Variants in DMD observed in about 807,000 individuals in gnomAD.
DMD encodes dystrophin, also known as mutant dystrophin.
A neutral mutation model predicts 330.1 loss-of-function variants in DMD; 63 were observed. That is an observed-to-expected ratio of 0.19 (90% CI 0.16 to 0.24). DMD has a LOEUF of 0.24. DMD is among the 10% of genes least tolerant of loss of function. The probability of loss-of-function intolerance (pLI) is 1.00; values close to 1 mark genes in which losing one functional copy is unlikely to be tolerated. For missense variants in DMD, 3,344 were observed against 2,684.1 expected (o/e 1.25, Z -5.43); for synonymous variants, 1,223 against 959.8 (o/e 1.27, Z -5.07).
chrX:32,062,651 G>T (rs1047546160), intron 44 of DMD, among the ~76,000 whole-genome samples: 2 of 111,008 alleles, frequency 1.8e-5, no homozygotes, highest in Admixed American at 9.6e-5. Flanking sequence ...TTCTTAAAAA[G>T]TATAAGTAAA....
chrX:32,301,798 A>G (rs2097524677), intron 42 of DMD, among the ~76,000 whole-genome samples: 1 of 111,338 alleles, frequency 9.0e-6, no homozygotes, highest in South Asian at 3.7e-4. Flanking sequence ...TGAACTCACA[A>G]TTAGAACAAT....
At chrX:32,580,954 G>C (rs768087384) in intron 13 of DMD, among the ~76,000 whole-genome samples, 4 of 110,711 alleles carry the variant, frequency 3.6e-5, no homozygotes, top group Non-Finnish European at 7.6e-5. Flanking sequence ...AGTTTCCCAA[G>C]TAGCTGGGAT....
At chrX:32,421,498 G>A (rs982001090) in intron 29 of DMD, among the ~76,000 whole-genome samples, 1 of 111,611 alleles carries the variant, frequency 9.0e-6, no homozygotes, top group Non-Finnish European at 1.9e-5. Flanking sequence ...AGTAGGTTGG[G>A]AGTGCAGAAA....
At chrX:32,819,520 A>G (rs976661853) in intron 5 of DMD, among the ~76,000 whole-genome samples, 3 of 111,907 alleles carry the variant, frequency 2.7e-5, no homozygotes, top group Admixed American at 9.5e-5. Context: ...ATGCTTTGCA[A>G]TTTTGTTCAA....
At chrX:31,509,433 T>C (rs761953787) in intron 55 of DMD, among the ~76,000 whole-genome samples, 9 of 112,071 alleles carry the variant, frequency 8.0e-5, no homozygotes, top group Non-Finnish European at 1.7e-4. Flanking sequence ...ATTTGTACAG[T>C]ACTTTCCTTT....
At chrX:32,418,827 G>A (rs1205211019) in intron 29 of DMD, among the ~76,000 whole-genome samples, 2 of 108,206 alleles carry the variant, frequency 1.8e-5, no homozygotes, top group African/African-American at 6.8e-5. Context: ...CAAAAAATTA[G>A]CCTGGCATGG....
At chrX:32,123,266 G>GA (rs2096646866) in intron 44 of DMD, among the ~76,000 whole-genome samples, 2 of 82,497 alleles carry the variant, frequency 2.4e-5, no homozygotes, top group Non-Finnish European at 4.5e-5. Context: ...TGATGCTAAT[G>GA]AAAAAAATCT....
intron 59 of DMD, among the ~76,000 whole-genome samples, chrX:31,445,419 G>A (rs2065204947): frequency 8.9e-6 from 1 of 111,733 alleles, no homozygotes; most frequent in Non-Finnish European, 1.9e-5. Flanking sequence ...TAACTATTAT[G>A]TTATATGCTT....
intron 55 of DMD, chrX:31,508,133 T>C: frequency 6.0e-6 from 5 of 836,902 alleles, no homozygotes; most frequent in Non-Finnish European, 7.0e-6. Flanking sequence ...GTAAGAGTTA[T>C]GATAAGAGGT....
chrX:31,549,826 G>A (rs1469357924), intron 55 of DMD, among the ~76,000 whole-genome samples: 3 of 112,092 alleles, frequency 2.7e-5, no homozygotes, highest in Non-Finnish European at 3.8e-5. Context: ...TAAAAGAATC[G>A]TTTATGAGTT....
At position 31,848,839 on chromosome X, in the gene DMD, G is replaced by A. The variant is rs1195539013; in HGVS notation, c.7099-12020C>T. Reference sequence around the variant, plus strand: ...ATGGCATTACTAATAATGGGCAGTTGCTGATCTGACAAGCAGTGAAGCAAA... The same window carrying A: ...ATGGCATTACTAATAATGGGCAGTTACTGATCTGACAAGCAGTGAAGCAAA... On this transcript the variant is annotated intron_variant, in intron 48 of 78. Coordinates refer to ENST00000357033, the MANE Select transcript of DMD (RefSeq NM_004006.3). 3.7e-5 allele frequency among the ~76,000 whole-genome samples: 4 copies of A among 109,500 alleles called. No homozygotes were observed. In the South Asian group the frequency reaches 1.6e-3, roughly 43 times the overall value.
chrX:32,899,761 A>G (rs1295420951), intron 2 of DMD, among the ~76,000 whole-genome samples: 1 of 111,503 alleles, frequency 9.0e-6, no homozygotes, highest in Non-Finnish European at 1.9e-5. Context: ...ATGGATTCTT[A>G]TATTGGTTCT....
chrX:32,698,960 G>C (rs1018426878), intron 8 of DMD, 152 bp downstream of exon 8: 1 of 402,822 alleles, frequency 2.5e-6, no homozygotes, highest in Non-Finnish European at 4.1e-6. Context: ...AAAAGGTTTA[G>C]TCTGTCTCTT....
intron 9 of DMD, among the ~76,000 whole-genome samples, chrX:32,684,875 A>T (rs1164324124): frequency 9.0e-6 from 1 of 111,095 alleles, no homozygotes; most frequent in South Asian, 3.7e-4. Flanking sequence ...TATGTTATAA[A>T]TGTTACTAAT....
intron 29 of DMD, among the ~76,000 whole-genome samples, chrX:32,430,152 T>A: frequency 9.0e-6 from 1 of 111,616 alleles, no homozygotes; most frequent in Non-Finnish European, 1.9e-5. Flanking sequence ...TTCTTATTCA[T>A]TGTTGTAGAT....
intron 34 of DMD, among the ~76,000 whole-genome samples, chrX:32,369,086 A>G (rs1305767287): frequency 9.0e-6 from 1 of 111,486 alleles, no homozygotes; most frequent in Admixed American, 9.6e-5. Context: ...AATATCTGAC[A>G]TAAGTAAAAT....
chrX:32,917,158 T>TC (rs2087885455), intron 2 of DMD, among the ~76,000 whole-genome samples: 1 of 96,542 alleles, frequency 1.0e-5, no homozygotes, highest in African/African-American at 4.3e-5. Context: ...AGTGTGGCAC[T>TC]TCCCCCCCCC....
chrX:32,923,556 TA>T (rs1390785111), intron 2 of DMD, among the ~76,000 whole-genome samples: 4 of 104,492 alleles, frequency 3.8e-5, no homozygotes, highest in Admixed American at 2.1e-4. Flanking sequence ...AGTGAGATCT[TA>T]AAAAAAAAAC....
chrX:31,952,020 T>C (rs1424177701), intron 45 of DMD, among the ~76,000 whole-genome samples: 1 of 111,497 alleles, frequency 9.0e-6, no homozygotes, highest in Non-Finnish European at 1.9e-5. Context: ...ACTCTGAATA[T>C]GTCATTTCAA....
Sources: allele counts gnomAD v4.1 joint callset (sites outside exome capture counted in the v4.1 genomes callset), GRCh38; gene constraint gnomAD v4.1.1; transcripts MANE v1.5; gene names NCBI Gene and HGNC (gene_info 2026-07-23, HGNC 2026-07-21).